SNTG2: variants seen among roughly 807,000 people sequenced by gnomAD.
The protein encoded by SNTG2 is gamma-2-syntrophin.
SNTG2 carries 74 observed loss-of-function variants against 70.9 expected under a neutral mutation model. The ratio of observed to expected loss-of-function variants is 1.04; its 90% CI spans 0.86 to 1.27. SNTG2 has a LOEUF of 1.27. Among genes scored for constraint, SNTG2 ranks in the 50% most tolerant of loss-of-function variants. SNTG2 has a pLI of 0.00. For synonymous variants in SNTG2, 278 were observed against 273.8 expected (o/e 1.02, Z -0.15); for missense variants, 717 against 690.7 (o/e 1.04, Z -0.43).
At chr2:1,220,329 A>G (rs546629800) in intron 9 of SNTG2, among the ~76,000 whole-genome samples, 10 of 152,322 alleles carry the variant, frequency 6.6e-5, no homozygotes, top group Admixed American at 2.0e-4. Flanking sequence ...CTTAATTTCT[A>G]TCCAGGAGCA....
At chr2:1,188,188 C>G (rs1208646327) in intron 8 of SNTG2, among the ~76,000 whole-genome samples, 1 of 152,106 alleles carries the variant, frequency 6.6e-6, no homozygotes, top group Non-Finnish European at 1.5e-5. Flanking sequence ...CTGAAGTGCT[C>G]ATATTGTTAA....
chr2:1,234,302 C>T (rs1338717073), intron 9 of SNTG2, among the ~76,000 whole-genome samples: 3 of 152,216 alleles, frequency 2.0e-5, no homozygotes, highest in Admixed American at 6.5e-5. Flanking sequence ...CAGTGAGCCA[C>T]GCTGTGAACT....
At chr2:1,218,845 C>T (rs1039488217) in intron 9 of SNTG2, among the ~76,000 whole-genome samples, 1 of 152,108 alleles carries the variant, frequency 6.6e-6, no homozygotes, top group African/African-American at 2.4e-5. Flanking sequence ...CTGGTTTAAC[C>T]AAGTAGGGTG....
rs373507076 is a variant in SNTG2 at position 1,082,455 on chromosome 2, C to T, written c.73-1063C>T. Reference sequence around the variant, plus strand: ...TATGTGGCCACAGCCTCATCCTTCACACGTGGGGACCTCCCCGTCCGTGGG... The same window carrying T: ...TATGTGGCCACAGCCTCATCCTTCATACGTGGGGACCTCCCCGTCCGTGGG... On this transcript the variant is annotated intron_variant, in intron 1 of 16. Coordinates refer to ENST00000308624, the MANE Select transcript of SNTG2 (RefSeq NM_018968.4). 2.4e-3 allele frequency among the ~76,000 whole-genome samples: 359 copies of T among 152,302 alleles called. 1 individual carries two copies. The highest frequency in any genetic ancestry group is 8.3e-3 in the African/African-American group (343 of 41,544).
chr2:1,223,482 G>A (rs1675504320), intron 9 of SNTG2, among the ~76,000 whole-genome samples: 1 of 152,214 alleles, frequency 6.6e-6, no homozygotes, highest in Admixed American at 6.5e-5. Flanking sequence ...ATTCCTCAGT[G>A]CATCCTGGGA....
At chr2:1,223,519 C>A (rs933229434) in intron 9 of SNTG2, among the ~76,000 whole-genome samples, 17 of 152,256 alleles carry the variant, frequency 1.1e-4, no homozygotes, top group Non-Finnish European at 2.1e-4. Context: ...CCCACAACCA[C>A]AGCTGTGGCC....
At chr2:984,281 G>A (rs1171355058) in intron 1 of SNTG2, among the ~76,000 whole-genome samples, 1 of 141,856 alleles carries the variant, frequency 7.0e-6, no homozygotes, top group Non-Finnish European at 1.5e-5. Flanking sequence ...TTTTTTAATA[G>A]CACACTTTCA....
chr2:1,167,049 T>C (rs6548204), intron 7 of SNTG2, among the ~76,000 whole-genome samples: 5,185 of 152,284 alleles, frequency 0.034, 297 homozygotes, highest in African/African-American at 0.12. Context: ...TCTTCTGGTA[T>C]GCTAAGGCAA....
intron 8 of SNTG2, among the ~76,000 whole-genome samples, chr2:1,173,832 G>A (rs572806067): frequency 4.6e-5 from 7 of 152,272 alleles, no homozygotes; most frequent in South Asian, 2.1e-4. Flanking sequence ...TCCAACTCCC[G>A]CAGGGTGACC....
intron 1 of SNTG2, among the ~76,000 whole-genome samples, chr2:953,084 G>A (rs1660031047): frequency 6.6e-6 from 1 of 152,176 alleles, no homozygotes; most frequent in Non-Finnish European, 1.5e-5. Context: ...TATCATGACT[G>A]CTTGTTTGAA....
At chr2:1,114,420 G>A (rs1666779995) in intron 4 of SNTG2, among the ~76,000 whole-genome samples, 8 of 151,764 alleles carry the variant, frequency 5.3e-5, no homozygotes, top group Admixed American at 5.2e-4. Context: ...TGTGTACTAA[G>A]TGAGGTTTAA....
chr2:1,262,552 G>A lies in SNTG2; in HGVS notation c.1077+3111G>A, dbSNP rs144026754. On this transcript the variant is annotated intron_variant, in intron 13 of 16. Transcript: ENST00000308624. ...ATGCTCTAAAGATAGGGAGTTCCAGGTCCCAGAGGTGGGAAGAAGCCGGGT... is the reference window on the plus strand; with the variant it reads ...ATGCTCTAAAGATAGGGAGTTCCAGATCCCAGAGGTGGGAAGAAGCCGGGT... Among the ~76,000 whole-genome samples, 553 of 143,486 alleles carry A rather than the reference G, an allele frequency of 3.9e-3. 5 individuals carry two copies. Among genetic ancestry groups the A allele is most frequent in the Middle Eastern group, 7.3e-3 (2 of 274 alleles). The allele number at this position is 143,486 out of a possible 152,430, so 94.1% of individuals were successfully genotyped here. A position where few individuals can be genotyped will look rare whatever the true frequency, so the allele number is the denominator to read the frequency against.
At chr2:1,185,924 A>G (rs1358588842) in intron 8 of SNTG2, among the ~76,000 whole-genome samples, 2 of 152,202 alleles carry the variant, frequency 1.3e-5, no homozygotes, top group African/African-American at 2.4e-5. Flanking sequence ...CTTTTCTACC[A>G]CATGGATAGG....
In SNTG2 at chr2:1,271,222, C is replaced by T. The variant is rs550508117; in HGVS notation, c.1284+3651C>T. 2.0e-5 allele frequency among the ~76,000 whole-genome samples: 3 copies of T among 152,304 alleles called. No homozygotes were observed. The East Asian group carries it at 5.8e-4, about 29-fold the overall frequency. ...CTTCCATGTTCCAGCCTCTCCATCC[C>T]TGCCTCCCAAGCTGAGGTACAAATG... On this transcript the variant is annotated intron_variant, in intron 14 of 16. Transcript: ENST00000308624.
In SNTG2 at chr2:1,255,905, T is replaced by TA. The variant is rs1553373384; in HGVS notation, c.1006-3462dup. On this transcript the variant is annotated intron_variant, in intron 12 of 16. Transcript: ENST00000308624. ...ATATAAATATATATAAATATATATA[T>TA]AAATATATATATAAATATATAAATA... Among the ~76,000 whole-genome samples, 344 of 66,456 alleles carry TA rather than the reference T, an allele frequency of 5.2e-3. 9 individuals are homozygous for TA. Among genetic ancestry groups the TA allele is most frequent in the African/African-American group, 0.028 (327 of 11,616 alleles). The allele number at this position is 66,456 out of a possible 152,430, so 43.6% of individuals were successfully genotyped here.
At chr2:1,152,415 G>T (rs1027331817) in intron 6 of SNTG2, among the ~76,000 whole-genome samples, 3 of 152,208 alleles carry the variant, frequency 2.0e-5, no homozygotes, top group Non-Finnish European at 2.9e-5. Flanking sequence ...ATATACATGT[G>T]TACCTGTGTG....
At chr2:1,171,213 G>C (rs1671104426) in intron 7 of SNTG2, among the ~76,000 whole-genome samples, 1 of 152,072 alleles carries the variant, frequency 6.6e-6, no homozygotes, top group Admixed American at 6.5e-5. Context: ...TCTGTTCTGG[G>C]ATATGGATGA....
intron 9 of SNTG2, among the ~76,000 whole-genome samples, chr2:1,221,012 T>G (rs1244252390): frequency 6.6e-6 from 1 of 152,222 alleles, no homozygotes; most frequent in Non-Finnish European, 1.5e-5. Context: ...CCAACAGATG[T>G]GCGGAGCAGC....
chr2:997,281 G>T (rs928939935), intron 1 of SNTG2, among the ~76,000 whole-genome samples: 2 of 152,190 alleles, frequency 1.3e-5, no homozygotes, highest in African/African-American at 4.8e-5. Flanking sequence ...CAGAAGCCTG[G>T]ATGTCAGCCA....
Sources: gnomAD v4.1 joint callset for allele counts (sites outside exome capture counted in the v4.1 genomes callset) on GRCh38, gnomAD v4.1.1 for gene constraint, MANE v1.5 for transcripts, NCBI Gene and HGNC (gene_info 2026-07-23, HGNC 2026-07-21) for gene names.